The following CYP2J2 variants were observed in gnomAD, a reference collection of about 807,000 sequenced individuals.
The protein encoded by CYP2J2 is cytochrome P450 2J2.
A neutral mutation model predicts 48.8 loss-of-function variants in CYP2J2; 41 were observed. The observed-to-expected ratio is 0.84, with a 90% confidence interval of 0.66 to 1.09. The LOEUF (loss-of-function observed/expected upper bound fraction) is 1.09, where lower values mean the gene tolerates loss of function less well. Ranked by LOEUF, CYP2J2 falls within the 50% of genes least tolerant of loss-of-function variation. The pLI is 0.00. For synonymous variants in CYP2J2, 221 were observed against 227.1 expected (o/e 0.97, Z 0.24); for missense variants, 644 against 617.3 (o/e 1.04, Z -0.46).
At chr1:59,942,223 CT>C in the CYP2J2 span, among the ~76,000 whole-genome samples, 2 of 152,100 alleles carry the variant, frequency 1.3e-5, no homozygotes, top group East Asian at 3.9e-4. Context: ...AAGAAAGTGA[CT>C]GGTGTCTGCT....
chr1:59,969,058 C>CA, the CYP2J2 span, among the ~76,000 whole-genome samples: 3 of 152,112 alleles, frequency 2.0e-5, no homozygotes, highest in South Asian at 6.2e-4. Flanking sequence ...CTGGTGGGCT[C>CA]GTGGTCTTGC....
At chr1:59,900,346 G>A (rs908670069) in intron 8 of CYP2J2, among the ~76,000 whole-genome samples, 1 of 152,196 alleles carries the variant, frequency 6.6e-6, no homozygotes, top group African/African-American at 2.4e-5. Flanking sequence ...GGCAGCACCC[G>A]ACCGGGTGTG....
chr1:59,964,111 G>A, the CYP2J2 span, among the ~76,000 whole-genome samples: 1 of 152,116 alleles, frequency 6.6e-6, no homozygotes, highest in Non-Finnish European at 1.5e-5. Flanking sequence ...TTACTGACAG[G>A]CGTAGTGTCT....
intron 6 of CYP2J2, among the ~76,000 whole-genome samples, chr1:59,907,074 C>CTA (rs1293629533): frequency 6.6e-6 from 1 of 152,108 alleles, no homozygotes; most frequent in Non-Finnish European, 1.5e-5. Context: ...CTTGAGTGGA[C>CTA]TATAGTCTGT....
At chr1:59,955,515 T>TA in the CYP2J2 span, among the ~76,000 whole-genome samples, 1 of 152,002 alleles carries the variant, frequency 6.6e-6, no homozygotes, top group South Asian at 2.1e-4. Context: ...TTCATGATCT[T>TA]AAAGTGCCTG....
chr1:59,946,569 G>C, the CYP2J2 span, among the ~76,000 whole-genome samples: 5 of 152,182 alleles, frequency 3.3e-5, no homozygotes, highest in South Asian at 1.0e-3. Context: ...CTGCTATGTC[G>C]CCAATGATCG....
chr1:59,960,102 T>C, the CYP2J2 span, among the ~76,000 whole-genome samples: 81 of 152,312 alleles, frequency 5.3e-4, no homozygotes, highest in African/African-American at 1.9e-3. Flanking sequence ...AATTTGGGCT[T>C]TTCCCAAAGC....
At chr1:59,943,165 T>A in the CYP2J2 span, among the ~76,000 whole-genome samples, 4 of 152,252 alleles carry the variant, frequency 2.6e-5, no homozygotes, top group Middle Eastern at 3.4e-3. Context: ...TCTGATGATT[T>A]AGGAAGAAGT....
intron 8 of CYP2J2, among the ~76,000 whole-genome samples, chr1:59,894,221 C>T (rs1644249474): frequency 6.6e-6 from 1 of 152,090 alleles, no homozygotes; most frequent in Non-Finnish European, 1.5e-5. Context: ...TTTTTTAATC[C>T]TTAAAAAAAT....
At chr1:59,932,756 A>G in the CYP2J2 span, among the ~76,000 whole-genome samples, 1 of 150,338 alleles carries the variant, frequency 6.7e-6, no homozygotes, top group Non-Finnish European at 1.5e-5. Context: ...GCTGGAGTGC[A>G]GTGGTGCAAT....
chr1:59,902,267 C>T (rs980072700), intron 7 of CYP2J2, among the ~76,000 whole-genome samples: 9 of 152,124 alleles, frequency 5.9e-5, no homozygotes, highest in South Asian at 2.1e-4. Flanking sequence ...GCAGTTATCA[C>T]GTTTCTAAAT....
At chr1:59,921,984 A>G (rs903380300) in intron 1 of CYP2J2, among the ~76,000 whole-genome samples, 2 of 152,158 alleles carry the variant, frequency 1.3e-5, no homozygotes, top group Non-Finnish European at 2.9e-5. Context: ...ATCCCTCACT[A>G]ACCTACCCCC....
chr1:59,914,769 AC>A (rs985929178), intron 2 of CYP2J2, among the ~76,000 whole-genome samples: 4 of 152,260 alleles, frequency 2.6e-5, no homozygotes, highest in African/African-American at 9.6e-5. Flanking sequence ...GACCTGACCG[AC>A]CCCCAGCCTG....
chr1:59,938,901 G>A, the CYP2J2 span, among the ~76,000 whole-genome samples: 11 of 152,312 alleles, frequency 7.2e-5, no homozygotes, highest in South Asian at 2.1e-3. Context: ...AGAGAATGGC[G>A]ATGACTTTTA....
chr1:59,938,823 C>G, the CYP2J2 span, among the ~76,000 whole-genome samples: 1 of 152,254 alleles, frequency 6.6e-6, no homozygotes. Context: ...TTGGACAATA[C>G]CCGGCTTTCC....
intron 1 of CYP2J2, among the ~76,000 whole-genome samples, chr1:59,923,158 C>G (rs769754058): frequency 1.3e-5 from 2 of 152,204 alleles, no homozygotes; most frequent in East Asian, 1.9e-4. Flanking sequence ...CAGAGGGATC[C>G]CTGTCTTCTG....
chr1:59,913,263 A>C (rs1037672334), intron 2 of CYP2J2: 22 of 152,044 alleles, frequency 1.4e-4, no homozygotes, highest in African/African-American at 4.8e-4. Flanking sequence ...GTTCTTCAGG[A>C]ACTTCTTCTT....
chr1:59,935,037 T>C, the CYP2J2 span, among the ~76,000 whole-genome samples: 18 of 96,212 alleles, frequency 1.9e-4, no homozygotes, highest in Non-Finnish European at 3.1e-4. Context: ...TATATATATA[T>C]ATATATATAT....
chr1:59,959,676 CATATGT>C, the CYP2J2 span, among the ~76,000 whole-genome samples: 2 of 151,380 alleles, frequency 1.3e-5, no homozygotes, highest in East Asian at 1.9e-4. Flanking sequence ...CATATATATA[CATATGT>C]ATATGTATAC....
Sources: gnomAD v4.1 joint callset for allele counts (sites outside exome capture counted in the v4.1 genomes callset) on GRCh38, gnomAD v4.1.1 for gene constraint, MANE v1.5 for transcripts, NCBI Gene and HGNC (gene_info 2026-07-23, HGNC 2026-07-21) for gene names.